TOP1MT: variants seen among roughly 807,000 people sequenced by gnomAD.
TOP1MT encodes DNA topoisomerase I mitochondrial.
Under a neutral mutation model 73.9 loss-of-function variants are expected in TOP1MT, and 80 were observed. The observed-to-expected ratio is 1.08, with a 90% CI of 0.90 to 1.30. The LOEUF (loss-of-function observed/expected upper bound fraction) is 1.30, where lower values mean the gene tolerates loss of function less well. Among genes scored for constraint, TOP1MT ranks in the 50% most tolerant of loss-of-function variants. The pLI is 0.00. For synonymous variants in TOP1MT, 338 were observed against 326.4 expected, an observed-to-expected ratio of 1.04 and a Z score of -0.38; for missense variants, 815 against 808.0, an observed-to-expected ratio of 1.01 and a Z score of -0.10.
intron 1 of TOP1MT, chr8:143,332,376 G>T: frequency 2.5e-6 from 2 of 811,334 alleles, no homozygotes; most frequent in Non-Finnish European, 3.6e-6. Context: ...AGTGGGAGAG[G>T]CTTTGGCGAG....
intron 5 of TOP1MT, among the ~76,000 whole-genome samples, 174 bp from the exon 6 acceptor site, chr8:143,324,803 C>CA (rs1166685545): frequency 1.3e-5 from 2 of 152,182 alleles, no homozygotes; most frequent in Non-Finnish European, 2.9e-5. Flanking sequence ...AGCAGCCACT[C>CA]AATCTACCCT....
chr8:143,328,326 G>C (rs569366734), intron 3 of TOP1MT: 4 of 446,330 alleles, frequency 9.0e-6, no homozygotes, highest in South Asian at 6.5e-5. Context: ...CTGCACCCAG[G>C]ATGCGTTTTT....
At chr8:143,351,357 G>A (rs1157987042) in intron 1 of TOP1MT, among the ~76,000 whole-genome samples, 1 of 152,122 alleles carries the variant, frequency 6.6e-6, no homozygotes, top group South Asian at 2.1e-4. Flanking sequence ...TGGATCACCT[G>A]AGGTCAGGAG....
In TOP1MT at chr8:143,341,051, G is replaced by A. The variant is rs577601275; in HGVS notation, c.29+2169C>T. Reference sequence around the variant, plus strand: ...CTGTCTATCCCACTGCCCAGAGCGCGCTCCTCCCCAGCTCCCACGGCGGCC... The same window carrying A: ...CTGTCTATCCCACTGCCCAGAGCGCACTCCTCCCCAGCTCCCACGGCGGCC... On this transcript the variant is annotated intron_variant, in intron 2 of 5. Transcript: ENST00000518007. This position sits in a 1 kb window ranked among gnomAD's most constrained non-coding sequence, Gnocchi z 4.1. Among the ~76,000 whole-genome samples the A allele has an allele frequency of 6.6e-6, 1 of 152,070 alleles. No individual in the cohort carries two copies. The highest frequency in any genetic ancestry group is 1.5e-5 in the Non-Finnish European group (1 of 67,980).
upstream of TOP1MT, among the ~76,000 whole-genome samples, chr8:143,338,239 C>T (rs2087218): frequency 6.6e-6 from 1 of 152,018 alleles, no homozygotes; most frequent in Non-Finnish European, 1.5e-5. Context: ...CTACTGCACT[C>T]CAGCCTGAAC....
chr8:143,338,224 T>C (rs542469497), upstream of TOP1MT, among the ~76,000 whole-genome samples: 2 of 152,130 alleles, frequency 1.3e-5, no homozygotes, highest in South Asian at 4.1e-4. Context: ...TGAGCTATGA[T>C]CAGGCTACTG....
chr8:143,313,039 C>T (rs943030101), intron 12 of TOP1MT, among the ~76,000 whole-genome samples: 3 of 152,190 alleles, frequency 2.0e-5, no homozygotes, highest in African/African-American at 7.2e-5. Flanking sequence ...GATGCTGAGA[C>T]ATCTGGCTGT....
upstream of TOP1MT, among the ~76,000 whole-genome samples, chr8:143,347,358 T>C (rs906308647): frequency 2.0e-5 from 3 of 152,192 alleles, no homozygotes; most frequent in African/African-American, 4.8e-5. Flanking sequence ...GGTTTCACCA[T>C]GTTAGCCAGG....
chr8:143,321,027 G>T (rs1161270467), intron 8 of TOP1MT, among the ~76,000 whole-genome samples, 174 bp downstream of exon 8: 2 of 152,122 alleles, frequency 1.3e-5, no homozygotes, highest in East Asian at 3.9e-4. Flanking sequence ...GGTCTACCAT[G>T]GTGCACAGCC....
At position 143,355,652 on chromosome 8, in the gene TOP1MT, C is replaced by T. The variant is rs7841946; in HGVS notation, c.-39+313G>A. On this transcript the variant is annotated intron_variant, in intron 1 of 5. Transcript: ENST00000518760. ...TAAAACAAAAACAAACAGAAAGGGCCCCTGGCACATGAGGGAGATGCCAGA... is the reference window on the plus strand; with the variant it reads ...TAAAACAAAAACAAACAGAAAGGGCTCCTGGCACATGAGGGAGATGCCAGA... Among the ~76,000 whole-genome samples, 1,270 of 152,204 alleles carry T rather than the reference C, an allele frequency of 8.3e-3. 20 individuals are homozygous for T. The highest frequency in any genetic ancestry group is 0.028 in the African/African-American group (1,182 of 41,520).
intron 7 of TOP1MT, among the ~76,000 whole-genome samples, chr8:143,321,610 G>A (rs1179681515): frequency 1.1e-5 from 1 of 91,936 alleles, no homozygotes; most frequent in Non-Finnish European, 2.0e-5. Context: ...CCACACGCAC[G>A]CACGCCACAC....
chr8:143,338,781 G>A (rs1288206294), upstream of TOP1MT, among the ~76,000 whole-genome samples: 1 of 152,188 alleles, frequency 6.6e-6, no homozygotes, highest in Admixed American at 6.5e-5. Flanking sequence ...GGCACCCACT[G>A]CACAAGGCCA....
In TOP1MT at chr8:143,309,455, C is replaced by A; in HGVS notation, c.1792G>T (p.Asp598Tyr). The A allele has an allele frequency of 6.8e-6, 11 of 1,613,810 alleles. No homozygotes were observed. The highest frequency in any genetic ancestry group is 9.3e-6 in the Non-Finnish European group (11 of 1,180,028). The part of the protein sequence containing the change: ...FAWALAMAGE[D>Y]FEF ...ACGGCTCGTCGTTAGAATTCAAAGT[C>A]TTCTCCTGCCATGGCGAGAGCCCAG... The change falls in exon 14 of 14, where the codon GAC becomes TAC. Residue 598 changes from aspartate (D) to tyrosine (Y), a missense_variant. Transcript: ENST00000329245.
At chr8:143,349,960 T>G (rs1817294078), upstream of TOP1MT, among the ~76,000 whole-genome samples, 1 of 152,176 alleles carries the variant, frequency 6.6e-6, no homozygotes, top group Admixed American at 6.5e-5. Context: ...TATTTTCATT[T>G]GAGTCTGACA....
intron 12 of TOP1MT, among the ~76,000 whole-genome samples, chr8:143,310,959 CTTTTT>C (rs36007345): frequency 3.1e-5 from 4 of 128,144 alleles, no homozygotes; most frequent in African/African-American, 8.5e-5. Flanking sequence ...TTTCTCTTGG[CTTTTT>C]TTTTTTTTTT....
upstream of TOP1MT, among the ~76,000 whole-genome samples, chr8:143,357,829 G>A (rs1011844585): frequency 1.1e-4 from 16 of 151,922 alleles, no homozygotes; most frequent in African/African-American, 3.6e-4. Flanking sequence ...GCTGAGGCAG[G>A]AGAATCGCTA....
upstream of TOP1MT, chr8:143,335,003 C>A: frequency 1.1e-6 from 1 of 897,818 alleles, no homozygotes; most frequent in Non-Finnish European, 1.4e-6. Flanking sequence ...TCTAAGCCTG[C>A]ACGGGGCTGC....
At chr8:143,331,030 C>A (rs1236738564) in intron 2 of TOP1MT, among the ~76,000 whole-genome samples, 194 bp downstream of exon 2, 1 of 152,140 alleles carries the variant, frequency 6.6e-6, no homozygotes, top group East Asian at 1.9e-4. Context: ...GGGACGGGAG[C>A]CCCCGAACTG....
At chr8:143,349,931 G>A (rs149257096), upstream of TOP1MT, among the ~76,000 whole-genome samples, 80 of 152,194 alleles carry the variant, frequency 5.3e-4, no homozygotes, top group East Asian at 0.014. Context: ...ACGAGCCACC[G>A]TGCTGGGCCT....
Sources: allele counts gnomAD v4.1 joint callset (sites outside exome capture counted in the v4.1 genomes callset), GRCh38; gene constraint gnomAD v4.1.1; non-coding constraint Gnocchi (gnomAD v3.1); transcripts MANE v1.5; gene names NCBI Gene and HGNC (gene_info 2026-07-23, HGNC 2026-07-21).